IRAK1: variants seen among roughly 807,000 people sequenced by gnomAD.
IRAK1 encodes interleukin 1 receptor associated kinase 1, also known as interleukin-1 receptor-associated kinase 1.
Under a neutral mutation model 49.8 loss-of-function variants are expected in IRAK1, and 9 were observed. The observed-to-expected ratio is 0.18, with a 90% CI of 0.11 to 0.32. The LOEUF (loss-of-function observed/expected upper bound fraction) is 0.32, where lower values mean the gene tolerates loss of function less well. IRAK1 is among the 10% of genes least tolerant of loss of function. The pLI is 1.00. For synonymous variants in IRAK1, 282 were observed against 270.8 expected (o/e 1.04, Z -0.41); for missense variants, 418 against 600.5 (o/e 0.70, Z 3.18).
chrX:154,018,351 G>A lies in IRAK1; in HGVS notation c.734C>T (p.Ala245Val). The A allele has an allele frequency of 8.6e-7, 1 of 1,164,584 alleles. No individual in the cohort carries two copies. The highest frequency in any genetic ancestry group is 1.2e-6 in the Non-Finnish European group (1 of 868,650). Reference protein sequence around the residue: ...VYAVKRLKENADLEWTAVKQS... With the variant: ...VYAVKRLKENVDLEWTAVKQS... ...CTTCACTGCAGTCCACTCCAGGTCAGCGTTCTGCAGCCCCCAGGGTGCGGT... is the reference window on the plus strand; with the variant it reads ...CTTCACTGCAGTCCACTCCAGGTCAACGTTCTGCAGCCCCCAGGGTGCGGT... The change falls in exon 6 of 14, where the codon GCT (alanine) becomes GTT (valine). Residue 245 changes from alanine (A) to valine (V), a missense_variant. Around this residue, in one of 3 missense-constraint regions of IRAK1, gnomAD observed 377 missense variants for 499.5 expected, o/e 0.75. Coordinates refer to ENST00000369980, the MANE Select transcript of IRAK1 (RefSeq NM_001569.4).
intron 11 of IRAK1, 107 bp downstream of exon 11, chrX:154,013,935 G>C: frequency 2.0e-6 from 2 of 999,985 alleles, no homozygotes; most frequent in African/African-American, 1.9e-5. Flanking sequence ...GAAATGTGTG[G>C]AGACTCCAGA....
intron 9 of IRAK1, 151 bp downstream of exon 9, chrX:154,016,286 G>A: frequency 1.7e-6 from 1 of 596,064 alleles, no homozygotes; most frequent in Non-Finnish European, 2.8e-6. Flanking sequence ...GCAGGGTGAG[G>A]AGGAGGGCCT....
At chrX:154,016,282 TGAG>T (rs1350562344) in intron 9 of IRAK1, among the ~76,000 whole-genome samples, 152 bp downstream of exon 9, 8 of 112,608 alleles carry the variant, frequency 7.1e-5, no homozygotes, top group African/African-American at 1.9e-4. Flanking sequence ...AGGTGCAGGG[TGAG>T]GAGGAGGGCC....
rs782650343 is a variant in IRAK1 at position 154,013,086 on chromosome X, C to T, written c.1887G>A (p.Ser629=). 9 of 1,209,077 alleles carry T rather than the reference C, an allele frequency of 7.4e-6. No homozygotes were observed. The highest frequency in any genetic ancestry group is 2.2e-5 in the Admixed American group (1 of 45,985). Reference sequence around the variant, plus strand: ...GGGATCCTGGGCCACTCCCCCAGCTCGATTCTCCTGCCGTGTCCCCCTGAG... The same window carrying T: ...GGGATCCTGGGCCACTCCCCCAGCTTGATTCTCCTGCCGTGTCCCCCTGAG... The part of the protein sequence containing the change: ...GCPQGDTAGE[S]SWGSGPGSRP... The change falls in exon 12 of 14, where the codon TCG becomes TCA. Residue 629 remains serine, a synonymous_variant. Coordinates refer to ENST00000369980, the MANE Select transcript of IRAK1 (RefSeq NM_001569.4).
At chrX:154,018,440 G>A in intron 5 of IRAK1, 85 bp from the exon 6 acceptor site, 1 of 946,223 alleles carries the variant, frequency 1.1e-6, no homozygotes, top group Non-Finnish European at 1.5e-6. Context: ...CGGGCCACCA[G>A]TGCCACCTAC....
At position 154,013,074 on chromosome X, in the gene IRAK1, A is replaced by C; in HGVS notation, c.1899T>G (p.Ser633Arg). ...CGGCTGTGGGCCGGGATCCTGGGCC[A>C]CTCCCCCAGCTCGATTCTCCTGCCG... Reference protein sequence around the residue: ...GDTAGESSWGSGPGSRPTAVE... With the variant: ...GDTAGESSWGRGPGSRPTAVE... The change falls in exon 12 of 14, where the codon AGT becomes AGG. Residue 633 changes from serine to arginine, a missense_variant. By Grantham distance (110) the Ser-to-Arg change is moderately radical. Transcript: ENST00000369980. 8.3e-7 allele frequency: 1 copy of C among 1,208,085 alleles called. No individual in the cohort carries two copies. Among genetic ancestry groups the C allele is most frequent in the Non-Finnish European group, 1.1e-6 (1 of 894,974 alleles).
Position 154,016,639 on chromosome X carries a change from T to C in IRAK1, c.1034A>G (p.Asn345Ser), listed in dbSNP as rs782207964. ...TGTCAGCCTCTCATCCAGAAGGACGTTGGAACTTGGGGAGAGAAGACAGTG... is the reference window on the plus strand; with the variant it reads ...TGTCAGCCTCTCATCCAGAAGGACGCTGGAACTTGGGGAGAGAAGACAGTG... ...SLIHGDIKSS[N>S]VLLDERLTPK... The change falls in exon 9 of 14, where the codon AAC becomes AGC. Residue 345 changes from asparagine to serine, a missense_variant. By Grantham distance (46) the Asn-to-Ser change is conservative (BLOSUM62 1). This residue lies in a region of IRAK1 where 377 missense variants were observed against 499.5 expected (regional missense o/e 0.75). Transcript: ENST00000369980. 1 of 1,204,978 alleles carries C rather than the reference T, an allele frequency of 8.3e-7. No individual in the cohort carries two copies. Among genetic ancestry groups the C allele is most frequent in the South Asian group, 1.8e-5 (1 of 56,764 alleles).
chrX:154,017,707 G>C (rs1210281316), intron 7 of IRAK1, among the ~76,000 whole-genome samples: 3 of 104,037 alleles, frequency 2.9e-5, no homozygotes, highest in Non-Finnish European at 5.9e-5. Context: ...GCGGCAGGAG[G>C]ATCGCCTGAA....
At chrX:154,016,010 G>A (rs782170780) in intron 10 of IRAK1, 22 bp downstream of exon 10, 1 of 1,192,156 alleles carries the variant, frequency 8.4e-7, no homozygotes, top group South Asian at 1.8e-5. Context: ...TGTCCCTCCT[G>A]GCCCTGCCTC....
intron 10 of IRAK1, 186 bp from the exon 11 acceptor site, chrX:154,014,464 C>A (rs1037916067): frequency 6.6e-6 from 3 of 454,159 alleles, no homozygotes; most frequent in African/African-American, 2.5e-5. Context: ...GCCTCAGCCT[C>A]CCAAAGTGCT....
Position 154,019,722 on chromosome X carries a change from A to G in IRAK1, c.91T>C (p.Tyr31His). The G allele has an allele frequency of 1.0e-6, 1 of 989,822 alleles. No homozygotes were observed. Among genetic ancestry groups the G allele is most frequent in the South Asian group, 3.8e-5 (1 of 25,987 alleles). The allele number at this position is 989,822 out of a possible 1,213,427, so 81.6% of individuals were successfully genotyped here. Residue 31 changes from tyrosine (Y) to histidine (H), a missense_variant, in exon 1 of 14, where the codon TAC (tyrosine) becomes CAC (histidine). This residue lies in a region of IRAK1 where 21 missense variants were observed against 84.9 expected (regional missense o/e 0.25). Coordinates refer to ENST00000369980, the MANE Select transcript of IRAK1 (RefSeq NM_001569.4). ...EVPPWVMCRF[Y>H]KVMDALEPAD... ...GGCTCCAGGGCGTCCATCACTTTGT[A>G]GAAGCGGCACATGACCCAGGGCGGC...
Position 154,017,006 on chromosome X carries a change from C to T in IRAK1, c.971G>A (p.Arg324Gln), listed in dbSNP as rs961506270. ...QRLDILLGTA[R>Q]AIQFLHQDSP... ...GTCCTGATGTAGAAACTGAATTGCC[C>T]GGGCTGTACCCAGAAGGATGTCCAG... The change falls in exon 8 of 14, where the codon CGG becomes CAG. Residue 324 changes from arginine (R) to glutamine (Q), a missense_variant. Arg to Gln is a conservative substitution (Grantham distance 43). Coordinates refer to ENST00000369980, the MANE Select transcript of IRAK1 (RefSeq NM_001569.4). The T allele has an allele frequency of 2.5e-6, 3 of 1,209,568 alleles. No homozygotes were observed. Among genetic ancestry groups the T allele is most frequent in the Non-Finnish European group, 3.4e-6 (3 of 894,340 alleles).
chrX:154,011,811 A>G lies in IRAK1; in HGVS notation c.*48T>C. On this transcript the variant is annotated 3_prime_UTR_variant, in exon 14 of 14. Transcript: ENST00000369980. ...TCGTGCACCATGAGAACTTCTGACC[A>G]TGAGAACTTTGACTTCCGGATTTGG... 1 of 1,148,787 alleles carries G rather than the reference A, an allele frequency of 8.7e-7. No homozygotes were observed. Among genetic ancestry groups the G allele is most frequent in the Non-Finnish European group, 1.2e-6 (1 of 837,576 alleles). The allele number at this position is 1,148,787 out of a possible 1,213,427, so 94.7% of individuals were successfully genotyped here.
chrX:154,010,842 T>C lies in IRAK1; in HGVS notation c.*1017A>G, dbSNP rs2065692359. 1 of 296,723 alleles carries C rather than the reference T, an allele frequency of 3.4e-6. No individual in the cohort carries two copies. Among genetic ancestry groups the C allele is most frequent in the Non-Finnish European group, 6.6e-6 (1 of 150,827 alleles). 24.5% of individuals were successfully genotyped at this position (296,723 alleles called of 1,213,427 possible). A position where few individuals can be genotyped will look rare whatever the true frequency, so the allele number is the denominator to read the frequency against. ...GTAGTGGCCCCTCTGCCACAATCAG[T>C]GCCTGGGCCTGAGGCTGAGCTTGTG... On this transcript the variant is annotated 3_prime_UTR_variant, in exon 14 of 14. Transcript: ENST00000369980.
chrX:154,014,371 TAAAAAAAAA>T (rs146868205), intron 10 of IRAK1, 93 bp from the exon 11 acceptor site: 154 of 530,254 alleles, frequency 2.9e-4, no homozygotes, highest in African/African-American at 2.6e-3. Context: ...TGGGTTTTGA[TAAAAAAAAA>T]AAAAAAAAAA....
At position 154,018,299 on chromosome X, in the gene IRAK1, C is replaced by G. The variant is rs782001385; in HGVS notation, c.786G>C (p.Gln262His). ...VKQSFLTEVE[Q>H]LSRFRHPNIV... ...TCCCCCTCTGGCCTCACCTGGACAG[C>G]TGCTCCACCTCGGTCAGGAAGCTCT... is the stretch of plus-strand genomic sequence containing the variant. The change falls in exon 6 of 14, where the codon CAG (glutamine) becomes CAC (histidine). Residue 262 changes from glutamine (Q) to histidine (H), a missense_variant. Physicochemically the swap from Gln to His is conservative, Grantham distance 24. This residue lies in a region of IRAK1 where 377 missense variants were observed against 499.5 expected (regional missense o/e 0.75). Transcript: ENST00000369980. The G allele has an allele frequency of 9.5e-6, 11 of 1,163,393 alleles. No homozygotes were observed. The South Asian group carries it at 1.7e-4, about 18-fold the overall frequency.
Position 154,019,471 on chromosome X carries a change from C to T in IRAK1, c.264G>A (p.Thr88=). The change falls in exon 2 of 14, where the codon ACG becomes ACA. Residue 88 remains threonine, a synonymous_variant. Transcript: ENST00000369980. The part of the protein sequence containing the change: ...ARVADLVHIL[T]HLQLLRARDI... ...CCCGCGCACGGAGCAGCTGCAGGTGCGTGAGGATGTGCACGAGGTCGGCCA... is the reference window on the plus strand; with the variant it reads ...CCCGCGCACGGAGCAGCTGCAGGTGTGTGAGGATGTGCACGAGGTCGGCCA... 1 of 1,147,261 alleles carries T rather than the reference C, an allele frequency of 8.7e-7. No individual in the cohort carries two copies. The highest frequency in any genetic ancestry group is 1.2e-6 in the Non-Finnish European group (1 of 855,011). 94.5% of individuals were successfully genotyped at this position (1,147,261 alleles called of 1,213,427 possible).
At chrX:154,017,594 G>A (rs1280763559) in intron 7 of IRAK1, among the ~76,000 whole-genome samples, 1 of 110,905 alleles carries the variant, frequency 9.0e-6, no homozygotes, top group African/African-American at 3.3e-5. Context: ...TCAGGAGTTC[G>A]AGACTAGCCT....
Position 154,010,907 on chromosome X carries a change from G to A in IRAK1, c.*952C>T, listed in dbSNP as rs1322776660. 5.9e-6 allele frequency: 2 copies of A among 339,002 alleles called. No homozygotes were observed. The highest frequency in any genetic ancestry group is 5.2e-5 in the South Asian group (2 of 38,359). The allele number at this position is 339,002 out of a possible 1,213,427, so 27.9% of individuals were successfully genotyped here. On this transcript the variant is annotated 3_prime_UTR_variant, in exon 14 of 14. Coordinates refer to ENST00000369980, the MANE Select transcript of IRAK1 (RefSeq NM_001569.4). ...ACCTGGCTCGGAGCTCGTCTGTGGC[G>A]CCCAGGGATGGCCTGGCTTGCAGGC...
Sources: gnomAD v4.1 joint callset for allele counts (sites outside exome capture counted in the v4.1 genomes callset) on GRCh38, gnomAD v4.1.1 for gene constraint, gnomAD v4.1.1 regional missense constraint, MANE v1.5 for transcripts, NCBI Gene and HGNC (gene_info 2026-07-23, HGNC 2026-07-21) for gene names.